The following USF3 variants were observed in gnomAD, a reference collection of about 807,000 sequenced individuals.
USF3 encodes the protein upstream transcription factor family member 3.
A neutral mutation model predicts 157.5 loss-of-function variants in USF3; 29 were observed. The observed-to-expected ratio is 0.18, with a 90% CI of 0.14 to 0.25. The LOEUF (loss-of-function observed/expected upper bound fraction) is 0.25, where lower values mean the gene tolerates loss of function less well. USF3 is among the 10% of genes least tolerant of loss of function. The pLI is 1.00. For missense variants in USF3, 2,381 were observed against 2,667.6 expected (o/e 0.89, Z 2.37); for synonymous variants, 893 against 941.4 (o/e 0.95, Z 0.94).
chr3:113,659,083 A>T lies in USF3; in HGVS notation c.2599T>A (p.Leu867Met), dbSNP rs1184007659. ...NSVSVSASHS[L>M]GVLSSESLIP... ...AATGATTCAGAGCTTAGAACACCCA[A>T]AGAATGTGAAGCAGAAACACTCACA... is the stretch of plus-strand genomic sequence containing the variant. The change falls in exon 7 of 7, where the codon TTG becomes ATG. Residue 867 changes from leucine to methionine, a missense_variant. Coordinates refer to ENST00000316407, the MANE Select transcript of USF3 (RefSeq NM_001009899.4). 1.2e-5 allele frequency: 19 copies of T among 1,614,042 alleles called. No individual in the cohort carries two copies. The highest frequency in any genetic ancestry group is 1.6e-5 in the Non-Finnish European group (19 of 1,180,016).
chr3:113,678,858 G>T (rs1243486696), intron 1 of USF3, among the ~76,000 whole-genome samples: 1 of 151,942 alleles, frequency 6.6e-6, no homozygotes, highest in Non-Finnish European at 1.5e-5. Context: ...AAACTCTGGT[G>T]ATCCTCCCAC....
Position 113,657,529 on chromosome 3 carries a change from A to C in USF3, c.4153T>G (p.Ser1385Ala), listed in dbSNP as rs1273768585. The change falls in exon 7 of 7, where the codon TCA (serine) becomes GCA (alanine). Residue 1385 changes from serine (S) to alanine (A), a missense_variant. Physicochemically the swap from Ser to Ala is moderately conservative, Grantham distance 99. This residue lies in a region of USF3 where 1,435 missense variants were observed against 1,550.9 expected (regional missense o/e 0.93). Coordinates refer to ENST00000316407, the MANE Select transcript of USF3 (RefSeq NM_001009899.4). Reference protein sequence around the residue: ...VSQIPPNSSNSVVPVSNPAHG... With the variant: ...VSQIPPNSSNAVVPVSNPAHG... ...GCTGGGTTGCTAACAGGCACAACTG[A>C]GTTTGAAGAATTAGGAGGGATCTGA... is the stretch of plus-strand genomic sequence containing the variant. 1.2e-6 allele frequency: 2 copies of C among 1,614,096 alleles called. No homozygotes were observed. Among genetic ancestry groups the C allele is most frequent in the East Asian group, 4.5e-5 (2 of 44,880 alleles).
chr3:113,661,457 C>T (rs767778027), intron 6 of USF3, 32 bp from the exon 7 acceptor site: 3 of 1,247,920 alleles, frequency 2.4e-6, no homozygotes, highest in Non-Finnish European at 3.3e-6. Context: ...TTTATAAATA[C>T]CTGAGAATGT....
chr3:113,680,344 G>C (rs2107950660), intron 1 of USF3, among the ~76,000 whole-genome samples: 1 of 152,048 alleles, frequency 6.6e-6, no homozygotes, highest in South Asian at 2.1e-4. Context: ...TATGTGTCTA[G>C]GAATTTATTT....
chr3:113,652,108 A>AGAGAGTGTGTGTGT lies in USF3; in HGVS notation c.*2835_*2836insACACACACACTCTC, dbSNP rs1266464109. The AGAGAGTGTGTGTGT allele has an allele frequency of 7.0e-6, 1 of 141,976 alleles. No individual in the cohort carries two copies. Among genetic ancestry groups the AGAGAGTGTGTGTGT allele is most frequent in the African/African-American group, 2.6e-5 (1 of 38,274 alleles). 8.8% of individuals were successfully genotyped at this position (141,976 alleles called of 1,614,324 possible). A position where few individuals can be genotyped will look rare whatever the true frequency, so the allele number is the denominator to read the frequency against. ...TGGAGAGAGAGAGAGAGAGAGAGAGAGTGTGTGTGTGTGTGTGTGTGTGTG... is the reference window on the plus strand; with the variant it reads ...TGGAGAGAGAGAGAGAGAGAGAGAGAGAGAGTGTGTGTGTGTGTGTGTGTGTGTGTGTGTGTGTG... On this transcript the variant is annotated 3_prime_UTR_variant, in exon 7 of 7. Coordinates refer to ENST00000316407, the MANE Select transcript of USF3 (RefSeq NM_001009899.4).
chr3:113,657,823 G>C lies in USF3; in HGVS notation c.3859C>G (p.Pro1287Ala). ...TATTCAGTCATCAGAGATGGTCCAG[G>C]AGGTTGACTGCCATAGGAGCTAGAT... ...VSSSSYGSQP[P>A]GPSLMTEYSQ... Residue 1287 changes from proline (P) to alanine (A), a missense_variant, in exon 7 of 7, where the codon CCT becomes GCT. Around this residue, in one of 6 missense-constraint regions of USF3, gnomAD observed 1,435 missense variants for 1,550.9 expected, o/e 0.93. Coordinates refer to ENST00000316407, the MANE Select transcript of USF3 (RefSeq NM_001009899.4). 2 of 1,614,154 alleles carry C rather than the reference G, an allele frequency of 1.2e-6. No homozygotes were observed. Among genetic ancestry groups the C allele is most frequent in the Middle Eastern group, 1.6e-4 (1 of 6,062 alleles).
intron 1 of USF3, among the ~76,000 whole-genome samples, chr3:113,681,754 CTGTCACCCAGGCTGGAG>C (rs1420677610): frequency 9.9e-5 from 15 of 150,998 alleles, no homozygotes; most frequent in Non-Finnish European, 2.1e-4. Flanking sequence ...GAGTCTCACT[CTGTCACCCAGGCTGGAG>C]TGCAGTGGTG....
In USF3 at chr3:113,659,444, A is replaced by C. The variant is rs1482676137; in HGVS notation, c.2238T>G (p.Thr746=). 3 of 1,614,130 alleles carry C rather than the reference A, an allele frequency of 1.9e-6. No individual in the cohort carries two copies. In the African/African-American group the frequency reaches 4.0e-5, roughly 22 times the overall value. Residue 746 remains threonine (T), a synonymous_variant, in exon 7 of 7, where the codon ACT becomes ACG. Transcript: ENST00000316407. ...TTGTTAATGAAACACAGTTAGCTGT[A>C]GTGGTTTGACTATTTGCAGCAGTTT... ...NSQTAANSQT[T]TANCVSLTTT...
chr3:113,669,892 T>C (rs574481464), intron 5 of USF3, among the ~76,000 whole-genome samples: 2 of 152,230 alleles, frequency 1.3e-5, no homozygotes, highest in Admixed American at 6.5e-5. Context: ...AATTTAGTAA[T>C]CAAGAGAAAT....
At position 113,660,809 on chromosome 3, in the gene USF3, T is replaced by G. The variant is rs912340303; in HGVS notation, c.873A>C (p.Lys291Asn). 13 of 1,614,082 alleles carry G rather than the reference T, an allele frequency of 8.1e-6. No homozygotes were observed. The highest frequency in any genetic ancestry group is 1.0e-5 in the Non-Finnish European group (12 of 1,180,050). Residue 291 changes from lysine (K) to asparagine (N), a missense_variant, in exon 7 of 7, where the codon AAA becomes AAC. By Grantham distance (94) the Lys-to-Asn change is moderately conservative (BLOSUM62 0). Transcript: ENST00000316407. ...SENKNGQENP[K>N]VLKKMTPCVT... ...CACAAGGGGTCATTTTCTTCAATAC[T>G]TTGGGGTTCTCTTGTCCATTCTTAT...
Position 113,649,734 on chromosome 3 carries a change from G to C in USF3, c.*5210C>G, listed in dbSNP as rs1947228209. ...AGGTAAAGTGCAGGAACAGGGTAGA[G>C]GCTACAGGTGGAAAGATCTAGAAGC... is the stretch of plus-strand genomic sequence containing the variant. On this transcript the variant is annotated 3_prime_UTR_variant, in exon 7 of 7. Transcript: ENST00000316407. 1 of 689,336 alleles carries C rather than the reference G, an allele frequency of 1.5e-6. No homozygotes were observed. The highest frequency in any genetic ancestry group is 1.8e-5 in the African/African-American group (1 of 56,598). The allele number at this position is 689,336 out of a possible 1,614,324, so 42.7% of individuals were successfully genotyped here.
chr3:113,678,007 C>T (rs537461094), intron 1 of USF3, among the ~76,000 whole-genome samples: 63 of 149,836 alleles, frequency 4.2e-4, no homozygotes, highest in African/African-American at 1.5e-3. Context: ...CCTCCCCTCC[C>T]TTACTCTCCC....
rs539431760 is a variant in USF3, at chr3:113,651,030, AAACAAC to A, written c.*3908_*3913del. ...TGTTTTCCAAAAAAAAGAAAGAAAG[AAACAAC>A]ATCAAACTAGATTCCTTTCATCTAT... On this transcript the variant is annotated 3_prime_UTR_variant, in exon 7 of 7. Coordinates refer to ENST00000316407, the MANE Select transcript of USF3 (RefSeq NM_001009899.4). The A allele has an allele frequency of 3.9e-5, 6 of 152,356 alleles. No homozygotes were observed. In the South Asian group the frequency reaches 1.2e-3, roughly 32 times the overall value. 9.4% of individuals were successfully genotyped at this position (152,356 alleles called of 1,614,324 possible). A position where few individuals can be genotyped will look rare whatever the true frequency, so the allele number is the denominator to read the frequency against.
chr3:113,680,053 C>CTTTTTTTTTTTTTT (rs71131103), intron 1 of USF3, among the ~76,000 whole-genome samples: 5 of 58,632 alleles, frequency 8.5e-5, no homozygotes, highest in African/African-American at 2.1e-4. Flanking sequence ...CTGTAGTTTT[C>CTTTTTTTTTTTTTT]TTTTTTTTTT....
Position 113,657,998 on chromosome 3 carries a change from A to T in USF3, c.3684T>A (p.Asp1228Glu). ...GIKTSNASLQ[D>E]STSQPPSITS... is the part of the protein sequence containing the mutation. ...TGATGCTTGGTGGCTGAGAAGTTGAATCCTGTAAAGATGCATTTGATGTTT... is the reference window on the plus strand; with the variant it reads ...TGATGCTTGGTGGCTGAGAAGTTGATTCCTGTAAAGATGCATTTGATGTTT... The change falls in exon 7 of 7, where the codon GAT (aspartate) becomes GAA (glutamate). Residue 1228 changes from aspartate (D) to glutamate (E), a missense_variant. Transcript: ENST00000316407. 1 of 1,614,150 alleles carries T rather than the reference A, an allele frequency of 6.2e-7. No individual in the cohort carries two copies. The highest frequency in any genetic ancestry group is 8.5e-7 in the Non-Finnish European group (1 of 1,180,016).
In USF3 at chr3:113,649,901, G is replaced by GC. The variant is rs1947231739; in HGVS notation, c.*5042dup. 1 of 699,796 alleles carries GC rather than the reference G, an allele frequency of 1.4e-6. No homozygotes were observed. The highest frequency in any genetic ancestry group is 2.6e-6 in the Non-Finnish European group (1 of 383,800). The allele number at this position is 699,796 out of a possible 1,614,324, so 43.3% of individuals were successfully genotyped here. A position where few individuals can be genotyped will look rare whatever the true frequency, so the allele number is the denominator to read the frequency against. ...CAGAATATAGTTAAATCCAAAAAAG[G>GC]CCCTTTTCTTTCAAACCCTGGGGAA... On this transcript the variant is annotated 3_prime_UTR_variant, in exon 7 of 7. Transcript: ENST00000316407.
In USF3 at chr3:113,659,448, G is replaced by C. The variant is rs377173367; in HGVS notation, c.2234C>G (p.Thr745Ser). 1.2e-6 allele frequency: 2 copies of C among 1,614,122 alleles called. No homozygotes were observed. Among genetic ancestry groups the C allele is most frequent in the African/African-American group, 1.3e-5 (1 of 74,942 alleles). Residue 745 changes from threonine (T) to serine (S), a missense_variant, in exon 7 of 7, where the codon ACC becomes AGC. Around this residue, in one of 6 missense-constraint regions of USF3, gnomAD observed 1,435 missense variants for 1,550.9 expected, o/e 0.93. Coordinates refer to ENST00000316407, the MANE Select transcript of USF3 (RefSeq NM_001009899.4). ...ANSQTAANSQTTTANCVSLTT... is the reference protein window; with the variant it reads ...ANSQTAANSQSTTANCVSLTT... ...TAATGAAACACAGTTAGCTGTAGTG[G>C]TTTGACTATTTGCAGCAGTTTGAGA...
intron 1 of USF3, among the ~76,000 whole-genome samples, chr3:113,689,970 C>T (rs1457144142): frequency 6.6e-6 from 1 of 152,236 alleles, no homozygotes; most frequent in African/African-American, 2.4e-5. Flanking sequence ...GTTTAAACTG[C>T]TTCTGTGCAA....
chr3:113,660,495 T>A lies in USF3; in HGVS notation c.1187A>T (p.Asn396Ile). The change falls in exon 7 of 7, where the codon AAT becomes ATT. Residue 396 changes from asparagine (N) to isoleucine (I), a missense_variant. Physicochemically the swap from Asn to Ile is moderately radical, Grantham distance 149. Coordinates refer to ENST00000316407, the MANE Select transcript of USF3 (RefSeq NM_001009899.4). ...CAAAGAACAAGAAAGAGTCCAACCA[T>A]TGTCCAAAGGGTTTCCCGAAAGAGT... is the stretch of plus-strand genomic sequence containing the variant. ...ISTLSGNPLD[N>I]GWTLSCSLPS... 1 of 1,614,118 alleles carries A rather than the reference T, an allele frequency of 6.2e-7. No individual in the cohort carries two copies. Among genetic ancestry groups the A allele is most frequent in the African/African-American group, 1.3e-5 (1 of 75,050 alleles).
Sources: allele counts gnomAD v4.1 joint callset (sites outside exome capture counted in the v4.1 genomes callset), GRCh38; gene constraint gnomAD v4.1.1; regional missense constraint gnomAD v4.1.1; transcripts MANE v1.5; gene names NCBI Gene and HGNC (gene_info 2026-07-23, HGNC 2026-07-21).